SLC11A2: variants seen among roughly 807,000 people sequenced by gnomAD.
SLC11A2 encodes solute carrier family 11 member 2, also known as natural resistance-associated macrophage protein 2.
A neutral mutation model predicts 68.0 loss-of-function variants in SLC11A2; 38 were observed. The observed-to-expected ratio is 0.56, with a 90% CI of 0.43 to 0.73. SLC11A2 has a LOEUF of 0.73. SLC11A2 is among the 30% of genes least tolerant of loss of function. SLC11A2 has a pLI of 0.00. For missense variants in SLC11A2, 517 were observed against 690.5 expected (o/e 0.75, Z 2.82); for synonymous variants, 242 against 250.6 (o/e 0.97, Z 0.32).
intron 5 of SLC11A2, among the ~76,000 whole-genome samples, chr12:51,000,806 T>G (rs1385041224): frequency 6.6e-6 from 1 of 152,144 alleles, no homozygotes; most frequent in Non-Finnish European, 1.5e-5. Context: ...CAAGAAAGAA[T>G]ATTAAATGAT....
intron 1 of SLC11A2, among the ~76,000 whole-genome samples, chr12:51,024,100 AAT>A (rs1454557937): frequency 6.6e-6 from 1 of 152,200 alleles, no homozygotes; most frequent in Non-Finnish European, 1.5e-5. Context: ...TGAAGTAAGC[AAT>A]GTTTTTTTTC....
intron 3 of SLC11A2, 98 bp from the exon 4 acceptor site, chr12:51,005,534 A>C: frequency 6.3e-7 from 1 of 1,577,540 alleles, no homozygotes; most frequent in African/African-American, 1.4e-5. Flanking sequence ...ATCCAGCCTC[A>C]CAAGAAAAAA....
At chr12:50,985,889 C>A, downstream of SLC11A2, 1 of 1,057,092 alleles carries the variant, frequency 9.5e-7, no homozygotes, top group Non-Finnish European at 1.2e-6. Context: ...ACTTAGTGTG[C>A]CATTCCAGGT....
At chr12:51,021,206 A>G (rs1944020501) in intron 1 of SLC11A2, among the ~76,000 whole-genome samples, 1 of 152,240 alleles carries the variant, frequency 6.6e-6, no homozygotes, top group Admixed American at 6.5e-5. Flanking sequence ...GGACTTAAGC[A>G]TCATCCCAGG....
At position 51,024,103 on chromosome 12, in the gene SLC11A2, GT is replaced by G. The variant is rs1007807881; in HGVS notation, c.-39+2206del. 3.3e-5 allele frequency among the ~76,000 whole-genome samples: 5 copies of G among 152,156 alleles called. No homozygotes were observed. The East Asian group carries it at 5.8e-4, about 18-fold the overall frequency. On this transcript the variant is annotated intron_variant, in intron 1 of 15. Transcript: ENST00000262052. ...CCAGCATGCAGCTGAAGTAAGCAAT[GT>G]TTTTTTTCATAAACTTAAAGTTTCT...
chr12:51,021,763 AAG>A (rs1204671704), intron 1 of SLC11A2, among the ~76,000 whole-genome samples: 1 of 152,178 alleles, frequency 6.6e-6, no homozygotes, highest in Non-Finnish European at 1.5e-5. Context: ...AAAAAAGAAA[AAG>A]AGAAAGTGGA....
chr12:51,002,309 C>A (rs1368019871), intron 5 of SLC11A2, among the ~76,000 whole-genome samples: 1 of 152,044 alleles, frequency 6.6e-6, no homozygotes, highest in South Asian at 2.1e-4. Flanking sequence ...GATTGTGCCA[C>A]TGAACTCTAG....
At position 50,986,293 on chromosome 12, in the gene SLC11A2, T is replaced by C; in HGVS notation, c.*2032A>G. 1 of 1,286,668 alleles carries C rather than the reference T, an allele frequency of 7.8e-7. No individual in the cohort carries two copies. The highest frequency in any genetic ancestry group is 1.0e-6 in the Non-Finnish European group (1 of 988,138). 79.7% of individuals were successfully genotyped at this position (1,286,668 alleles called of 1,614,324 possible). ...ATTGGAGGACTTAAATTTCTACATA[T>C]TATTTATTGCACCCAGAGTACTGGT... On this transcript the variant is annotated 3_prime_UTR_variant, in exon 16 of 16. Transcript: ENST00000262052.
chr12:50,954,089 A>G, the SLC11A2 span: 88 of 1,594,910 alleles, frequency 5.5e-5, no homozygotes, highest in Non-Finnish European at 7.2e-5. Flanking sequence ...CTTTGTCCCT[A>G]TAGGTAAGTA....
rs144433072 is a variant in SLC11A2, at chr12:51,005,261, T to A, written c.309+50A>T. ...AACATGCAGGGTGGAGAAAAGGATG[T>A]GAGAGTGTATTATGTGCTTAAAAGG... On this transcript the variant is annotated intron_variant, in intron 4 of 15. Transcript: ENST00000262052. 3.8e-4 allele frequency: 611 copies of A among 1,598,992 alleles called. 2 individuals are homozygous for A. The African/African-American group carries it at 7.4e-3, about 19-fold the overall frequency.
intron 1 of SLC11A2, among the ~76,000 whole-genome samples, chr12:51,013,772 G>A (rs966871743): frequency 1.3e-5 from 2 of 151,918 alleles, no homozygotes; most frequent in African/African-American, 4.8e-5. Context: ...GAAATGTCTC[G>A]TCTACATCTG....
At chr12:51,025,686 C>T (rs950093147) in intron 1 of SLC11A2, 1 of 865,490 alleles carries the variant, frequency 1.2e-6, no homozygotes, top group South Asian at 5.3e-5. Flanking sequence ...TGTGCAATAT[C>T]CCCCTGTAGA....
At chr12:50,967,005 T>TACTCGGGAGGCTGAGGTAGAATCACTTGA in the SLC11A2 span, among the ~76,000 whole-genome samples, 2 of 151,888 alleles carry the variant, frequency 1.3e-5, no homozygotes, top group Admixed American at 6.6e-5. Flanking sequence ...TAATCCCTGC[T>TACTCGGGAGGCTGAGGTAGAATCACTTGA]ACTCGGGAGG....
At chr12:50,985,102 G>A (rs1303535560), downstream of SLC11A2, among the ~76,000 whole-genome samples, 1 of 152,124 alleles carries the variant, frequency 6.6e-6, no homozygotes, top group African/African-American at 2.4e-5. Flanking sequence ...CAACTGTTCA[G>A]GCCAGGCCTT....
At chr12:51,025,121 T>G (rs989285508) in intron 1 of SLC11A2, among the ~76,000 whole-genome samples, 1 of 152,188 alleles carries the variant, frequency 6.6e-6, no homozygotes, top group Non-Finnish European at 1.5e-5. Flanking sequence ...TCTAGTCACA[T>G]ATAACTACAC....
At chr12:51,009,959 A>G (rs1468877893) in intron 2 of SLC11A2, among the ~76,000 whole-genome samples, 47 of 152,100 alleles carry the variant, frequency 3.1e-4, no homozygotes. Context: ...AGACGGGTGG[A>G]CCACCTGAGG....
At chr12:51,010,788 G>A (rs748484426) in intron 1 of SLC11A2, 22 bp from the exon 2 acceptor site, 3 of 1,448,534 alleles carry the variant, frequency 2.1e-6, no homozygotes, top group Middle Eastern at 1.7e-4. Context: ...AAAAGTGAGG[G>A]AGAAGAATTA....
chr12:51,000,233 A>G (rs1370115825), intron 6 of SLC11A2, 80 bp downstream of exon 6: 1 of 1,047,706 alleles, frequency 9.5e-7, no homozygotes, highest in Non-Finnish European at 1.5e-6. Flanking sequence ...TCAAAATTAA[A>G]AATGAATTGG....
intron 14 of SLC11A2, 74 bp from the exon 15 acceptor site, chr12:50,991,022 G>A: frequency 1.5e-6 from 2 of 1,303,894 alleles, no homozygotes; most frequent in Admixed American, 1.7e-5. Flanking sequence ...AACAGGATGG[G>A]AATTAGAGGC....
Sources: gnomAD v4.1 joint callset for allele counts (sites outside exome capture counted in the v4.1 genomes callset) on GRCh38, gnomAD v4.1.1 for gene constraint, MANE v1.5 for transcripts, NCBI Gene and HGNC (gene_info 2026-07-23, HGNC 2026-07-21) for gene names.